NAT8L: variants seen among roughly 807,000 people sequenced by gnomAD.
NAT8L encodes the protein N-acetylaspartate synthetase.
Under a neutral mutation model 21.2 loss-of-function variants are expected in NAT8L, and 6 were observed. The ratio of observed to expected loss-of-function variants is 0.28; its 90% CI spans 0.16 to 0.56. NAT8L has a LOEUF of 0.56. Among genes scored for constraint, NAT8L ranks in the 20% least tolerant of loss-of-function variants. The pLI is 0.93. For missense variants in NAT8L, 331 were observed against 433.3 expected, an observed-to-expected ratio of 0.76 and a Z score of 2.10; for synonymous variants, 239 against 204.9, an observed-to-expected ratio of 1.17 and a Z score of -1.42.
chr4:2,059,498 G>A lies in NAT8L; in HGVS notation c.-14G>A. The A allele has an allele frequency of 1.0e-6, 1 of 976,444 alleles. No individual in the cohort carries two copies. The highest frequency in any genetic ancestry group is 1.2e-6 in the Non-Finnish European group (1 of 823,790). 60.5% of individuals were successfully genotyped at this position (976,444 alleles called of 1,614,324 possible). ...CCGGCCGCGTCCCCGCTGCCGCGCCGCCCGGCCGGGTGCATGCATTGTGGG... is the reference window on the plus strand; with the variant it reads ...CCGGCCGCGTCCCCGCTGCCGCGCCACCCGGCCGGGTGCATGCATTGTGGG... On this transcript the variant is annotated 5_prime_UTR_variant, in exon 1 of 3. Transcript: ENST00000423729. This position sits in a 1 kb window ranked among gnomAD's most constrained non-coding sequence, Gnocchi z 4.8.
In NAT8L at chr4:2,059,389, G is replaced by A. The variant is rs1303050401; in HGVS notation, c.-123G>A. Reference sequence around the variant, plus strand: ...GCGCCCCTGAGCTGCCGCCGCCGCCGCCGCCGCTGCCGCCGCCGCCGCCGC... The same window carrying A: ...GCGCCCCTGAGCTGCCGCCGCCGCCACCGCCGCTGCCGCCGCCGCCGCCGC... On this transcript the variant is annotated 5_prime_UTR_variant, in exon 1 of 3. Transcript: ENST00000423729. The surrounding 1 kb of genome is among the most constrained non-coding windows in gnomAD (Gnocchi z 4.8). The A allele has an allele frequency of 2.4e-5, 5 of 209,548 alleles. No individual in the cohort carries two copies. Among genetic ancestry groups the A allele is most frequent in the South Asian group, 1.5e-4 (1 of 6,502 alleles). The allele number at this position is 209,548 out of a possible 1,614,324, so 13.0% of individuals were successfully genotyped here.
In NAT8L at chr4:2,064,675, C is replaced by T. The variant is rs1729962988; in HGVS notation, c.*548C>T. 6.5e-6 allele frequency: 1 copy of T among 153,656 alleles called. No individual in the cohort carries two copies. The highest frequency in any genetic ancestry group is 2.4e-5 in the African/African-American group (1 of 41,470). 9.5% of individuals were successfully genotyped at this position (153,656 alleles called of 1,614,324 possible). On this transcript the variant is annotated 3_prime_UTR_variant, in exon 3 of 3. Coordinates refer to ENST00000423729, the MANE Select transcript of NAT8L (RefSeq NM_178557.4). Reference sequence around the variant, plus strand: ...CGGAGACCCGGGCTGGTGAGCGCCCCTGTCCCCAGCCCCCAGCTGGCTGTG... The same window carrying T: ...CGGAGACCCGGGCTGGTGAGCGCCCTTGTCCCCAGCCCCCAGCTGGCTGTG...
Position 2,060,423 on chromosome 4 carries a change from A to C in NAT8L, c.376+536A>C, listed in dbSNP as rs1307762913. ...GAGGGGGTTCGCTCCCATTTTACAG[A>C]TGAGGCGCTTGAGGCCGCGTAGGGA... On this transcript the variant is annotated intron_variant, in intron 1 of 2. Coordinates refer to ENST00000423729, the MANE Select transcript of NAT8L (RefSeq NM_178557.4). The surrounding 1 kb of genome is among the most constrained non-coding windows in gnomAD (Gnocchi z 4.7). Among the ~76,000 whole-genome samples the C allele has an allele frequency of 2.0e-5, 3 of 152,014 alleles. No homozygotes were observed. The highest frequency in any genetic ancestry group is 2.9e-5 in the Non-Finnish European group (2 of 67,974).
At chr4:2,061,375 T>C (rs1285989878) in intron 2 of NAT8L, among the ~76,000 whole-genome samples, 2 of 152,220 alleles carry the variant, frequency 1.3e-5, no homozygotes. Context: ...TGACCTGAGC[T>C]GGCCCTGCGA....
chr4:2,064,086 G>A lies in NAT8L; in HGVS notation c.868G>A (p.Val290Ile). ...LSLAERLFFQ[V>I]RYHRYRLQLR... is the part of the protein sequence containing the mutation. The stretch of plus-strand genomic sequence containing the variant: ...GCTGGCTGAGCGCCTCTTCTTCCAG[G>A]TCCGCTACCACCGCTACCGCCTGCA... The change falls in exon 3 of 3, where the codon GTC becomes ATC. Residue 290 changes from valine (V) to isoleucine (I), a missense_variant. Transcript: ENST00000423729. 1 of 1,605,684 alleles carries A rather than the reference G, an allele frequency of 6.2e-7. No individual in the cohort carries two copies. The highest frequency in any genetic ancestry group is 8.5e-7 in the Non-Finnish European group (1 of 1,178,896).
In NAT8L at chr4:2,064,147, C is replaced by T. The variant is rs750044260; in HGVS notation, c.*20C>T. On this transcript the variant is annotated 3_prime_UTR_variant, in exon 3 of 3. Coordinates refer to ENST00000423729, the MANE Select transcript of NAT8L (RefSeq NM_178557.4). ...GAGTGACCGCCGCCGCTCGCCCGCC[C>T]GCCCCCCCGGCCGCCCTGTCCGCCT... 378 of 1,511,348 alleles carry T rather than the reference C, an allele frequency of 2.5e-4. No homozygotes were observed. The highest frequency in any genetic ancestry group is 3.2e-4 in the Non-Finnish European group (361 of 1,131,400). The allele number at this position is 1,511,348 out of a possible 1,614,324, so 93.6% of individuals were successfully genotyped here.
rs532615764 is a variant in NAT8L, at chr4:2,067,680, C to G, written c.*3553C>G. 1 of 152,348 alleles carries G rather than the reference C, an allele frequency of 6.6e-6. No homozygotes were observed. Among genetic ancestry groups the G allele is most frequent in the Admixed American group, 6.5e-5 (1 of 15,288 alleles). 9.4% of individuals were successfully genotyped at this position (152,348 alleles called of 1,614,324 possible). A position where few individuals can be genotyped will look rare whatever the true frequency, so the allele number is the denominator to read the frequency against. ...TGGGGGCCGAAGGTGGTTGCCCCGCCGGGCAGGGGGCTGTGTGGGCCCTCG... is the reference window on the plus strand; with the variant it reads ...TGGGGGCCGAAGGTGGTTGCCCCGCGGGGCAGGGGGCTGTGTGGGCCCTCG... On this transcript the variant is annotated 3_prime_UTR_variant, in exon 3 of 3. Transcript: ENST00000423729.
In NAT8L at chr4:2,064,136, G is replaced by C. The variant is rs915792210; in HGVS notation, c.*9G>C. 1 of 1,535,172 alleles carries C rather than the reference G, an allele frequency of 6.5e-7. No homozygotes were observed. The highest frequency in any genetic ancestry group is 1.2e-5 in the South Asian group (1 of 83,960). ...AGCTGCGCGAGGAGTGACCGCCGCC[G>C]CTCGCCCGCCCGCCCCCCCGGCCGC... On this transcript the variant is annotated 3_prime_UTR_variant, in exon 3 of 3. Coordinates refer to ENST00000423729, the MANE Select transcript of NAT8L (RefSeq NM_178557.4).
Position 2,064,140 on chromosome 4 carries a change from G to GC in NAT8L, c.*16dup. On this transcript the variant is annotated 3_prime_UTR_variant, in exon 3 of 3. Coordinates refer to ENST00000423729, the MANE Select transcript of NAT8L (RefSeq NM_178557.4). Reference sequence around the variant, plus strand: ...GCGCGAGGAGTGACCGCCGCCGCTCGCCCGCCCGCCCCCCCGGCCGCCCTG... The same window carrying GC: ...GCGCGAGGAGTGACCGCCGCCGCTCGCCCCGCCCGCCCCCCCGGCCGCCCTG... The GC allele has an allele frequency of 1.3e-6, 2 of 1,520,624 alleles. No individual in the cohort carries two copies. The highest frequency in any genetic ancestry group is 1.8e-6 in the Non-Finnish European group (2 of 1,136,728). 94.2% of individuals were successfully genotyped at this position (1,520,624 alleles called of 1,614,324 possible). A position where few individuals can be genotyped will look rare whatever the true frequency, so the allele number is the denominator to read the frequency against.
chr4:2,059,399 C>CT lies in NAT8L; in HGVS notation c.-113_-112insT. The CT allele has an allele frequency of 1.7e-5, 4 of 237,192 alleles. No individual in the cohort carries two copies. The highest frequency in any genetic ancestry group is 2.7e-5 in the Non-Finnish European group (4 of 150,206). The allele number at this position is 237,192 out of a possible 1,614,324, so 14.7% of individuals were successfully genotyped here. A position where few individuals can be genotyped will look rare whatever the true frequency, so the allele number is the denominator to read the frequency against. On this transcript the variant is annotated 5_prime_UTR_variant, in exon 1 of 3. Transcript: ENST00000423729. The surrounding 1 kb of genome is among the most constrained non-coding windows in gnomAD (Gnocchi z 4.8). ...GCTGCCGCCGCCGCCGCCGCCGCTG[C>CT]CGCCGCCGCCGCCGCCGCCGCGGGT...
In NAT8L at chr4:2,063,713, C is replaced by T. The variant is rs1262753101; in HGVS notation, c.542-47C>T. The T allele has an allele frequency of 2.5e-6, 4 of 1,604,090 alleles. No individual in the cohort carries two copies. The Admixed American group carries it at 5.0e-5, about 20-fold the overall frequency. On this transcript the variant is annotated intron_variant, in intron 2 of 2. Coordinates refer to ENST00000423729, the MANE Select transcript of NAT8L (RefSeq NM_178557.4). Reference sequence around the variant, plus strand: ...TCTCACCCCAGAGGTGGAGGGGTCTCCCCAGCCTTCCTCACCGGGTGTCCC... The same window carrying T: ...TCTCACCCCAGAGGTGGAGGGGTCTTCCCAGCCTTCCTCACCGGGTGTCCC...
chr4:2,067,224 A>G lies in NAT8L; in HGVS notation c.*3097A>G, dbSNP rs1159558149. Reference sequence around the variant, plus strand: ...CATCTCCTCCTCCTTCCTCCGCCCCATGCCCAGCCTTGCTTCCGGCTGGTG... The same window carrying G: ...CATCTCCTCCTCCTTCCTCCGCCCCGTGCCCAGCCTTGCTTCCGGCTGGTG... On this transcript the variant is annotated 3_prime_UTR_variant, in exon 3 of 3. Coordinates refer to ENST00000423729, the MANE Select transcript of NAT8L (RefSeq NM_178557.4). The G allele has an allele frequency of 6.6e-6, 1 of 152,438 alleles. No individual in the cohort carries two copies. The highest frequency in any genetic ancestry group is 1.5e-5 in the Non-Finnish European group (1 of 68,202). The allele number at this position is 152,438 out of a possible 1,614,324, so 9.4% of individuals were successfully genotyped here. A position where few individuals can be genotyped will look rare whatever the true frequency, so the allele number is the denominator to read the frequency against.
At chr4:2,062,865 G>A (rs1029001126) in intron 2 of NAT8L, among the ~76,000 whole-genome samples, 7 of 152,192 alleles carry the variant, frequency 4.6e-5, no homozygotes, top group South Asian at 2.1e-4. Context: ...CAAACCCTTG[G>A]TCTTCAGAGA....
chr4:2,067,456 G>A lies in NAT8L; in HGVS notation c.*3329G>A, dbSNP rs936473816. ...TCCTTCTCAGAGAAGATGGCAGAAG[G>A]CTGCAGGCCCTAGAGGGGACGACGG... is the stretch of plus-strand genomic sequence containing the variant. On this transcript the variant is annotated 3_prime_UTR_variant, in exon 3 of 3. Transcript: ENST00000423729. The A allele has an allele frequency of 2.6e-5, 4 of 152,444 alleles. No individual in the cohort carries two copies. The highest frequency in any genetic ancestry group is 4.4e-5 in the Non-Finnish European group (3 of 68,212). The allele number at this position is 152,444 out of a possible 1,614,324, so 9.4% of individuals were successfully genotyped here. A position where few individuals can be genotyped will look rare whatever the true frequency, so the allele number is the denominator to read the frequency against.
intron 2 of NAT8L, 37 bp from the exon 3 acceptor site, chr4:2,063,723 C>T: frequency 6.2e-7 from 1 of 1,606,520 alleles, no homozygotes; most frequent in South Asian, 1.1e-5. Context: ...CCCCAGCCTT[C>T]CTCACCGGGT....
rs1175336946 is a variant in NAT8L at position 2,068,255 on chromosome 4, C to G, written c.*4128C>G. The G allele has an allele frequency of 6.6e-6, 1 of 152,014 alleles. No individual in the cohort carries two copies. Among genetic ancestry groups the G allele is most frequent in the Non-Finnish European group, 1.5e-5 (1 of 68,002 alleles). The allele number at this position is 152,014 out of a possible 1,614,324, so 9.4% of individuals were successfully genotyped here. On this transcript the variant is annotated 3_prime_UTR_variant, in exon 3 of 3. Coordinates refer to ENST00000423729, the MANE Select transcript of NAT8L (RefSeq NM_178557.4). Reference sequence around the variant, plus strand: ...GCGTGAGCATGCATGTGTGTGTACACGTGTATAGGTGTACATGTGCATGAG... The same window carrying G: ...GCGTGAGCATGCATGTGTGTGTACAGGTGTATAGGTGTACATGTGCATGAG...
In NAT8L at chr4:2,063,848, G is replaced by A. The variant is rs1423843337; in HGVS notation, c.630G>A (p.Leu210=). 8 of 1,612,282 alleles carry A rather than the reference G, an allele frequency of 5.0e-6. No individual in the cohort carries two copies. The Admixed American group carries it at 1.2e-4, about 24-fold the overall frequency. ...RAHEEDNTVE[L]LRMSVDSRFR... ...ACGAGGAGGACAACACGGTGGAGCT[G>A]CTGCGGATGTCTGTGGACTCACGTT... The change falls in exon 3 of 3, where the codon CTG becomes CTA. Residue 210 remains leucine, a synonymous_variant. Coordinates refer to ENST00000423729, the MANE Select transcript of NAT8L (RefSeq NM_178557.4).
At position 2,068,368 on chromosome 4, in the gene NAT8L, G is replaced by A. The variant is rs1730049241; in HGVS notation, c.*4241G>A. On this transcript the variant is annotated 3_prime_UTR_variant, in exon 3 of 3. Transcript: ENST00000423729. ...GTGTTTGTGTCTTGGGTATGCATAA[G>A]CATGCACGTGTGTATGAATGTGCGT... 6.6e-6 allele frequency: 1 copy of A among 152,264 alleles called. No homozygotes were observed. Among genetic ancestry groups the A allele is most frequent in the South Asian group, 2.1e-4 (1 of 4,826 alleles). The allele number at this position is 152,264 out of a possible 1,614,324, so 9.4% of individuals were successfully genotyped here.
At position 2,060,601 on chromosome 4, in the gene NAT8L, T is replaced by A. The variant is rs1248673397; in HGVS notation, c.377-397T>A. 6.6e-6 allele frequency among the ~76,000 whole-genome samples: 1 copy of A among 151,996 alleles called. No individual in the cohort carries two copies. Among genetic ancestry groups the A allele is most frequent in the Non-Finnish European group, 1.5e-5 (1 of 67,956 alleles). On this transcript the variant is annotated intron_variant, in intron 1 of 2. Transcript: ENST00000423729. The surrounding 1 kb of genome is among the most constrained non-coding windows in gnomAD (Gnocchi z 4.7). ...AAGAGGGGGTCCTGGAGCCCGAGGC[T>A]GGAACGTGGGACACCCCCCTTCCTC... is the stretch of plus-strand genomic sequence containing the variant.
Sources: allele counts gnomAD v4.1 joint callset (sites outside exome capture counted in the v4.1 genomes callset), GRCh38; gene constraint gnomAD v4.1.1; non-coding constraint Gnocchi (gnomAD v3.1); transcripts MANE v1.5; gene names NCBI Gene and HGNC (gene_info 2026-07-23, HGNC 2026-07-21).